Variants in LAMC3 observed in about 807,000 individuals in gnomAD.
The protein encoded by LAMC3 is laminin subunit gamma 3.
In LAMC3, 128 loss-of-function variants were observed where a neutral mutation model predicts 173.8. The ratio of observed to expected loss-of-function variants is 0.74; its 90% confidence interval spans 0.64 to 0.85. LAMC3 has a LOEUF of 0.85. Ranked by LOEUF, LAMC3 falls within the 40% of genes least tolerant of loss-of-function variation. The probability of loss-of-function intolerance (pLI) is 0.00; values close to 1 mark genes in which losing one functional copy is unlikely to be tolerated. For missense variants in LAMC3, 2,022 were observed against 2,156.0 expected, an observed-to-expected ratio of 0.94 and a Z score of 1.23; for synonymous variants, 897 against 909.1, an observed-to-expected ratio of 0.99 and a Z score of 0.24.
At chr9:131,081,457 C>CCCTCCCTT (rs1190849967) in intron 23 of LAMC3, among the ~76,000 whole-genome samples, 32 of 142,884 alleles carry the variant, frequency 2.2e-4, no homozygotes, top group Non-Finnish European at 1.5e-5. Context: ...CTCCCTCCCT[C>CCCTCCCTT]CCTCCCTTCC....
chr9:131,031,907 CAG>C (rs1833830967), intron 2 of LAMC3, 136 bp from the exon 3 acceptor site: 1 of 1,466,130 alleles, frequency 6.8e-7, no homozygotes, highest in Admixed American at 1.7e-5. Context: ...GCAGTGTTCT[CAG>C]AATTGGCCTG....
At chr9:131,076,100 G>T (rs1365853765) in intron 21 of LAMC3, 135 bp downstream of exon 21, 13 of 924,702 alleles carry the variant, frequency 1.4e-5, no homozygotes, top group Admixed American at 1.1e-4. Context: ...TCTTGGGTCT[G>T]CATCCTCCTC....
At position 131,017,334 on chromosome 9, in the gene LAMC3, C is replaced by T. The variant is rs1221048205; in HGVS notation, c.373+7747C>T. 3.3e-5 allele frequency among the ~76,000 whole-genome samples: 5 copies of T among 152,170 alleles called. No individual in the cohort carries two copies. The East Asian group carries it at 5.8e-4, about 18-fold the overall frequency. On this transcript the variant is annotated intron_variant, in intron 1 of 27. Coordinates refer to ENST00000361069, the MANE Select transcript of LAMC3 (RefSeq NM_006059.4). ...GTTCATGCAAACGAGCGGCCTCACG[C>T]GATAGGAAACATCCCGGCTTTTCTG...
At chr9:131,075,468 G>A (rs1830106390) in intron 20 of LAMC3, among the ~76,000 whole-genome samples, 1 of 151,394 alleles carries the variant, frequency 6.6e-6, no homozygotes, top group South Asian at 2.1e-4. Flanking sequence ...GGAGGCTGAG[G>A]TAGGAGAATC....
At chr9:131,067,976 A>G in intron 14 of LAMC3, 102 bp from the exon 15 acceptor site, 1 of 1,264,636 alleles carries the variant, frequency 7.9e-7, no homozygotes, top group South Asian at 1.2e-5. Context: ...GTGCCGTATC[A>G]TCTCTGGAGG....
At chr9:131,018,660 A>G (rs1833573969) in intron 1 of LAMC3, among the ~76,000 whole-genome samples, 3 of 152,108 alleles carry the variant, frequency 2.0e-5, no homozygotes, top group Admixed American at 2.0e-4. Context: ...CTCTCTGTCT[A>G]GAATTCTGTT....
At chr9:131,066,930 G>A in intron 13 of LAMC3, 30 bp from the exon 14 acceptor site, 1 of 1,611,916 alleles carries the variant, frequency 6.2e-7, no homozygotes, top group Admixed American at 1.7e-5. Context: ...AGCCAGCTGT[G>A]TTCCCCACAC....
Position 131,075,940 on chromosome 9 carries a change from G to C in LAMC3, c.3604G>C (p.Glu1202Gln). 1 of 1,609,880 alleles carries C rather than the reference G, an allele frequency of 6.2e-7. No homozygotes were observed. The highest frequency in any genetic ancestry group is 2.2e-5 in the East Asian group (1 of 44,758). Residue 1202 changes from glutamate to glutamine, a missense_variant, in exon 21 of 28, where the codon GAG becomes CAG. Coordinates refer to ENST00000361069, the MANE Select transcript of LAMC3 (RefSeq NM_006059.4). ...TCTGCTGGAGGGAAGGGTGGCCCTAGAGACCCAGCGGGACCTGGAGGACAG... is the reference window on the plus strand; with the variant it reads ...TCTGCTGGAGGGAAGGGTGGCCCTACAGACCCAGCGGGACCTGGAGGACAG... ...WNLLEGRVAL[E>Q]TQRDLEDRYQ...
At chr9:131,078,416 C>A (rs575488478) in intron 22 of LAMC3, among the ~76,000 whole-genome samples, 1 of 152,092 alleles carries the variant, frequency 6.6e-6, no homozygotes, top group Admixed American at 6.6e-5. Flanking sequence ...ACCTGGGAGG[C>A]GGAGCTTGCA....
Position 131,067,128 on chromosome 9 carries a change from C to T in LAMC3, c.2516C>T (p.Thr839Met), listed in dbSNP as rs57816762. ...TGCCTGCGCTGCCTGCACAACACCACGGGTGACCACTGTGAGCACTGTCAG... is the reference window on the plus strand; with the variant it reads ...TGCCTGCGCTGCCTGCACAACACCATGGGTGACCACTGTGAGCACTGTCAG... Reference protein sequence around the residue: ...GHCLRCLHNTTGDHCEHCQEG... With the variant: ...GHCLRCLHNTMGDHCEHCQEG... Residue 839 changes from threonine (T) to methionine (M), a missense_variant, in exon 14 of 28, where the codon ACG becomes ATG. Transcript: ENST00000361069. The T allele has an allele frequency of 1.9e-3, 3,028 of 1,614,162 alleles. 33 individuals are homozygous for T. In the African/African-American group the frequency reaches 0.028, roughly 15 times the overall value.
chr9:131,054,790 A>AAG (rs563768584), intron 11 of LAMC3, among the ~76,000 whole-genome samples: 2 of 137,046 alleles, frequency 1.5e-5, no homozygotes, highest in Non-Finnish European at 3.1e-5. Flanking sequence ...GAGGGGGAGA[A>AAG]AGAGAGAGAG....
intron 17 of LAMC3, 63 bp from the exon 18 acceptor site, chr9:131,071,421 G>A: frequency 6.3e-7 from 1 of 1,587,862 alleles, no homozygotes; most frequent in South Asian, 1.1e-5. Context: ...AAGCCAGCGG[G>A]AGTGTCTGGG....
chr9:131,035,451 C>T (rs1391882750), intron 3 of LAMC3, among the ~76,000 whole-genome samples: 1 of 152,000 alleles, frequency 6.6e-6, no homozygotes, highest in Non-Finnish European at 1.5e-5. Flanking sequence ...CGGGTGGGTG[C>T]CACACGCTTC....
chr9:131,088,732 C>A (rs1830370710), intron 27 of LAMC3, among the ~76,000 whole-genome samples: 1 of 152,082 alleles, frequency 6.6e-6, no homozygotes, highest in South Asian at 2.1e-4. Context: ...CACTAACCCC[C>A]CATTTCCCTC....
intron 3 of LAMC3, among the ~76,000 whole-genome samples, chr9:131,032,890 A>G (rs1588143343): frequency 6.6e-6 from 1 of 151,686 alleles, no homozygotes; most frequent in South Asian, 2.1e-4. Context: ...CTGGTCTTGA[A>G]CTCCCAGCCT....
At chr9:131,041,826 AG>A in intron 7 of LAMC3, 91 bp downstream of exon 7, 1 of 1,094,956 alleles carries the variant, frequency 9.1e-7, no homozygotes, top group Non-Finnish European at 1.4e-6. Context: ...GGGAGGAGCA[AG>A]GGGCACGGTC....
intron 20 of LAMC3, among the ~76,000 whole-genome samples, chr9:131,074,520 A>ACC (rs1444918454): frequency 6.6e-6 from 1 of 151,442 alleles, no homozygotes; most frequent in East Asian, 2.0e-4. Context: ...ACATGGTAAA[A>ACC]CCCCGTCTCC....
At position 131,032,171 on chromosome 9, in the gene LAMC3, GGCAGGTA is replaced by G; in HGVS notation, c.807_809+4del. The G allele has an allele frequency of 1.9e-6, 3 of 1,581,088 alleles. No homozygotes were observed. The highest frequency in any genetic ancestry group is 1.4e-5 in the African/African-American group (1 of 73,518). ...TGCCGTGTCCGACTTCTCTGTGGGC[GGCAGGTA>G]GGAGGGAGGAGGGAGGCAGGGTGGC... On this transcript the variant is annotated splice_donor_variant and splice_donor_region_variant and coding_sequence_variant and intron_variant, in exon 3 of 28. Coordinates refer to ENST00000361069, the MANE Select transcript of LAMC3 (RefSeq NM_006059.4). LOFTEE classifies it high-confidence loss of function.
rs1056568035 is a variant in LAMC3, at chr9:131,049,112, G to A, written c.1612G>A (p.Glu538Lys). ...GGTCCTCCTGAGCCCAGAAGACGAG[G>A]AGGAGCTCACAGCACCAGGTACCTC... ...NGVLLSPEDE[E>K]ELTAPEKFLG... Residue 538 changes from glutamate (E) to lysine (K), a missense_variant, in exon 9 of 28, where the codon GAG becomes AAG. By Grantham distance (56) the Glu-to-Lys change is moderately conservative. Coordinates refer to ENST00000361069, the MANE Select transcript of LAMC3 (RefSeq NM_006059.4). 2 of 1,550,754 alleles carry A rather than the reference G, an allele frequency of 1.3e-6. No individual in the cohort carries two copies. Among genetic ancestry groups the A allele is most frequent in the Admixed American group, 2.0e-5 (1 of 51,078 alleles).
Sources: gnomAD v4.1 joint callset for allele counts (sites outside exome capture counted in the v4.1 genomes callset) on GRCh38, gnomAD v4.1.1 for gene constraint, MANE v1.5 for transcripts, NCBI Gene and HGNC (gene_info 2026-07-23, HGNC 2026-07-21) for gene names.